GSTCD: variants seen among roughly 807,000 people sequenced by gnomAD.
GSTCD encodes the protein glutathione S-transferase C-terminal domain containing, also known as glutathione S-transferase C-terminal domain-containing protein.
GSTCD carries 44 observed loss-of-function variants against 68.3 expected under a neutral mutation model. The observed-to-expected ratio is 0.64, with a 90% CI of 0.51 to 0.83. GSTCD has a LOEUF of 0.83. GSTCD is among the 40% of genes least tolerant of loss of function. GSTCD has a pLI of 0.00. For missense variants in GSTCD, 739 were observed against 735.9 expected (o/e 1.00, Z -0.05); for synonymous variants, 273 against 255.2 (o/e 1.07, Z -0.67).
At chr4:105,751,415 G>A (rs1474273595) in intron 5 of GSTCD, among the ~76,000 whole-genome samples, 1 of 152,118 alleles carries the variant, frequency 6.6e-6, no homozygotes, top group Non-Finnish European at 1.5e-5. Context: ...CAAGGCAAGA[G>A]CTGCAAAGAC....
At chr4:105,828,590 C>A (rs1054495874) in intron 8 of GSTCD, among the ~76,000 whole-genome samples, 1 of 152,128 alleles carries the variant, frequency 6.6e-6, no homozygotes, top group South Asian at 2.1e-4. Context: ...CTATATTCAA[C>A]ATTCTGTAAC....
chr4:105,789,718 A>C lies in GSTCD; in HGVS notation c.1241-33236A>C, dbSNP rs980648200. 1.3e-4 allele frequency among the ~76,000 whole-genome samples: 20 copies of C among 151,984 alleles called. 1 individual carries two copies. Among genetic ancestry groups the C allele is most frequent in the African/African-American group, 4.8e-4 (20 of 41,274 alleles). On this transcript the variant is annotated intron_variant, in intron 5 of 11. Coordinates refer to ENST00000515279, the MANE Select transcript of GSTCD (RefSeq NM_001370181.1). ...TTCTGCTCATTTGAAGTGAGTCACT[A>C]GGTTCAGCCTATAATGAAGGGGAGA...
intron 5 of GSTCD, among the ~76,000 whole-genome samples, chr4:105,773,963 T>C (rs184391289): frequency 7.0e-4 from 106 of 152,324 alleles, no homozygotes; most frequent in Non-Finnish European, 1.3e-3. Flanking sequence ...GGTGTTAAAG[T>C]CTCCCACTAT....
intron 5 of GSTCD, among the ~76,000 whole-genome samples, chr4:105,784,260 T>C (rs1258268328): frequency 6.6e-6 from 1 of 152,114 alleles, no homozygotes; most frequent in Non-Finnish European, 1.5e-5. Flanking sequence ...TGGCTCATGG[T>C]TTTTGAGGTG....
At chr4:105,787,687 G>A (rs1238587938) in intron 5 of GSTCD, among the ~76,000 whole-genome samples, 1 of 151,990 alleles carries the variant, frequency 6.6e-6, no homozygotes, top group East Asian at 1.9e-4. Context: ...ATTCTCCTTG[G>A]ATTCTCTCTT....
chr4:105,740,210 G>A (rs867652542), intron 5 of GSTCD, among the ~76,000 whole-genome samples: 17 of 151,868 alleles, frequency 1.1e-4, no homozygotes, highest in African/African-American at 3.1e-4. Context: ...ACAGCTATGC[G>A]GACTACAGGC....
intron 5 of GSTCD, among the ~76,000 whole-genome samples, chr4:105,776,283 G>T (rs924917200): frequency 1.3e-5 from 2 of 152,178 alleles, no homozygotes; most frequent in East Asian, 1.9e-4. Flanking sequence ...CTCTGTGGGG[G>T]TGGAATCTGC....
At chr4:105,791,684 C>G (rs945815245) in intron 5 of GSTCD, among the ~76,000 whole-genome samples, 1 of 152,036 alleles carries the variant, frequency 6.6e-6, no homozygotes, top group Admixed American at 6.6e-5. Context: ...ACCATGAGAA[C>G]AGACACTTTT....
chr4:105,838,988 CAT>C (rs1724228329), intron 10 of GSTCD, among the ~76,000 whole-genome samples: 1 of 152,122 alleles, frequency 6.6e-6, no homozygotes, highest in African/African-American at 2.4e-5. Context: ...TAAAAATGTT[CAT>C]TGTTACCACA....
chr4:105,790,305 C>T (rs535616058), intron 5 of GSTCD, among the ~76,000 whole-genome samples: 19 of 152,110 alleles, frequency 1.2e-4, no homozygotes, highest in African/African-American at 4.6e-4. Context: ...ACATAATTTA[C>T]ATTATGATTC....
chr4:105,719,405 G>A lies in GSTCD; in HGVS notation c.772G>A (p.Glu258Lys). 1 of 1,614,094 alleles carries A rather than the reference G, an allele frequency of 6.2e-7. No homozygotes were observed. Among genetic ancestry groups the A allele is most frequent in the Non-Finnish European group, 8.5e-7 (1 of 1,179,986 alleles). ...VQEEPATTNR[E>K]PSHIRKAKAS... The stretch of plus-strand genomic sequence containing the variant: ...GGAAGAACCAGCTACTACCAACAGA[G>A]AGCCTTCTCACATCAGAAAAGCAAA... Residue 258 changes from glutamate (E) to lysine (K), a missense_variant, in exon 3 of 12, where the codon GAG (glutamate) becomes AAG (lysine). By Grantham distance (56) the Glu-to-Lys change is moderately conservative. Coordinates refer to ENST00000515279, the MANE Select transcript of GSTCD (RefSeq NM_001370181.1).
intron 5 of GSTCD, among the ~76,000 whole-genome samples, chr4:105,774,333 G>A (rs1333705692): frequency 2.6e-5 from 4 of 151,924 alleles, no homozygotes; most frequent in South Asian, 2.1e-4. Context: ...TTTTAATTGG[G>A]GCATTTAGCC....
In GSTCD at chr4:105,790,527, G is replaced by C. The variant is rs563739579; in HGVS notation, c.1241-32427G>C. 9.9e-5 allele frequency among the ~76,000 whole-genome samples: 15 copies of C among 152,110 alleles called. No individual in the cohort carries two copies. In the South Asian group the frequency reaches 3.1e-3, roughly 32 times the overall value. On this transcript the variant is annotated intron_variant, in intron 5 of 11. Transcript: ENST00000515279. ...TGTAGTGGTAATGCCTGTAGCCCCA[G>C]CTACTCAGGAGGCTGAGGCAGGAGG...
At chr4:105,770,411 T>G (rs905636607) in intron 5 of GSTCD, among the ~76,000 whole-genome samples, 1 of 152,058 alleles carries the variant, frequency 6.6e-6, no homozygotes, top group Admixed American at 6.5e-5. Flanking sequence ...CTGGGATACA[T>G]GTGCAGAACA....
chr4:105,829,761 C>A (rs934673889), intron 8 of GSTCD, among the ~76,000 whole-genome samples: 2 of 151,838 alleles, frequency 1.3e-5, no homozygotes, highest in East Asian at 3.9e-4. Context: ...AAGCAACAAA[C>A]ATAATCAAGG....
At chr4:105,764,511 GA>G (rs1158310503) in intron 5 of GSTCD, among the ~76,000 whole-genome samples, 6 of 152,160 alleles carry the variant, frequency 3.9e-5, no homozygotes, top group African/African-American at 1.4e-4. Context: ...AGAAGTCCAT[GA>G]TCAGGGTGCC....
intron 5 of GSTCD, chr4:105,760,952 C>G: frequency 3.2e-6 from 1 of 316,648 alleles, no homozygotes; most frequent in Non-Finnish European, 6.0e-6. Context: ...AACTCCTGGA[C>G]AAAGAACCTC....
rs74317087 is a variant in GSTCD at position 105,732,317 on chromosome 4, G to C, written c.1240+2818G>C. Among the ~76,000 whole-genome samples the C allele has an allele frequency of 6.9e-3, 1,056 of 152,180 alleles. 16 individuals are homozygous for C. Among genetic ancestry groups the C allele is most frequent in the African/African-American group, 0.024 (994 of 41,524 alleles). On this transcript the variant is annotated intron_variant, in intron 5 of 11. Coordinates refer to ENST00000515279, the MANE Select transcript of GSTCD (RefSeq NM_001370181.1). The stretch of plus-strand genomic sequence containing the variant: ...TAGAATTCGGCTGTGAATCCGTCTG[G>C]TCCTGGACTTTTTTTGGTTGGTAGG...
intron 11 of GSTCD, among the ~76,000 whole-genome samples, chr4:105,842,707 T>C (rs1004063679): frequency 1.3e-5 from 2 of 152,228 alleles, no homozygotes; most frequent in African/African-American, 2.4e-5. Context: ...TTAATAGTTA[T>C]ACATTTAAGC....
Sources: gnomAD v4.1 joint callset for allele counts (sites outside exome capture counted in the v4.1 genomes callset) on GRCh38, gnomAD v4.1.1 for gene constraint, MANE v1.5 for transcripts, NCBI Gene and HGNC (gene_info 2026-07-23, HGNC 2026-07-21) for gene names.